Variants in GMEB1 observed in about 807,000 individuals in gnomAD.
The protein encoded by GMEB1 is glucocorticoid modulatory element-binding protein 1.
Under a neutral mutation model 52.4 loss-of-function variants are expected in GMEB1, and 6 were observed. The ratio of observed to expected loss-of-function variants is 0.11; its 90% CI spans 0.06 to 0.23. The LOEUF is 0.23. Among genes scored for constraint, GMEB1 ranks in the 10% least tolerant of loss-of-function variants. The probability of loss-of-function intolerance (pLI) is 1.00; values close to 1 mark genes in which losing one functional copy is unlikely to be tolerated. For missense variants in GMEB1, 486 were observed against 685.6 expected, an observed-to-expected ratio of 0.71 and a Z score of 3.25; for synonymous variants, 255 against 244.9, an observed-to-expected ratio of 1.04 and a Z score of -0.38.
rs150505866 is a variant in GMEB1 at position 28,670,153 on chromosome 1, T to TTTTTTTTATTTATTTATTTA, written c.-31+1317_-31+1318insTTTTATTTATTTATTTATTT. 2.7e-5 allele frequency among the ~76,000 whole-genome samples: 4 copies of TTTTTTTTATTTATTTATTTA among 150,704 alleles called. No homozygotes were observed. The East Asian group carries it at 5.9e-4, about 22-fold the overall frequency. On this transcript the variant is annotated intron_variant, in intron 1 of 9. Coordinates refer to ENST00000373816, the MANE Select transcript of GMEB1 (RefSeq NM_001319674.2). ...TTACCAAAGTGCATTTGGGGACCCT[T>TTTTTTTTATTTATTTATTTA]TTTATTTATTTATTTATTTATTTGT...
chr1:28,713,006 A>AT (rs397698598), intron 9 of GMEB1, among the ~76,000 whole-genome samples: 3 of 149,808 alleles, frequency 2.0e-5, no homozygotes, highest in Admixed American at 1.3e-4. Flanking sequence ...AAAAAAAAAA[A>AT]CATTAGCCAG....
intron 4 of GMEB1, 58 bp from the exon 5 acceptor site, chr1:28,692,884 C>T: frequency 3.7e-6 from 3 of 813,858 alleles, no homozygotes; most frequent in South Asian, 3.4e-5. Flanking sequence ...TCATTATTTC[C>T]CCTCTTGGCC....
At chr1:28,712,072 TGG>T (rs1207039154) in intron 9 of GMEB1, among the ~76,000 whole-genome samples, 1 of 152,176 alleles carries the variant, frequency 6.6e-6, no homozygotes, top group Non-Finnish European at 1.5e-5. Flanking sequence ...GGCTATAAAT[TGG>T]GGTTCCCACA....
intron 6 of GMEB1, among the ~76,000 whole-genome samples, chr1:28,699,739 T>G (rs1670403553): frequency 6.7e-6 from 1 of 150,298 alleles, no homozygotes. Flanking sequence ...CCTTTTTTGT[T>G]TTTTTTTTTC....
At chr1:28,674,558 C>T (rs1405736814) in intron 1 of GMEB1, among the ~76,000 whole-genome samples, 1 of 151,788 alleles carries the variant, frequency 6.6e-6, no homozygotes, top group Non-Finnish European at 1.5e-5. Context: ...CCACGCTTGG[C>T]TAATTTTGTA....
intron 9 of GMEB1, among the ~76,000 whole-genome samples, chr1:28,711,248 T>C (rs2124589278): frequency 6.6e-6 from 1 of 150,726 alleles, no homozygotes; most frequent in East Asian, 1.9e-4. Flanking sequence ...ATAGTGCCAT[T>C]GTACTCCATC....
chr1:28,681,360 C>T (rs898509318), intron 1 of GMEB1, among the ~76,000 whole-genome samples: 5 of 151,834 alleles, frequency 3.3e-5, no homozygotes, highest in African/African-American at 9.7e-5. Flanking sequence ...GGAGCGAGAC[C>T]GCGTCTCAAA....
intron 1 of GMEB1, among the ~76,000 whole-genome samples, chr1:28,670,014 G>T (rs566952183): frequency 6.6e-6 from 1 of 152,200 alleles, no homozygotes; most frequent in East Asian, 1.9e-4. Context: ...GACACAGATG[G>T]GGCCTTGATT....
At chr1:28,713,979 A>T (rs1671174154) in intron 9 of GMEB1, 94 bp from the exon 10 acceptor site, 3 of 919,012 alleles carry the variant, frequency 3.3e-6, no homozygotes, top group Non-Finnish European at 5.1e-6. Flanking sequence ...CTTAGTAACA[A>T]AACCAGACAG....
rs551981149 is a variant in GMEB1, at chr1:28,685,401, G to C, written c.128+1661G>C. On this transcript the variant is annotated intron_variant, in intron 2 of 9. Coordinates refer to ENST00000373816, the MANE Select transcript of GMEB1 (RefSeq NM_001319674.2). The stretch of plus-strand genomic sequence containing the variant: ...ATTTTTGTATTTTTAGAAGAGATGG[G>C]GTTTAGCTGAGATCATGCCACTGCA... Among the ~76,000 whole-genome samples, 11 of 151,850 alleles carry C rather than the reference G, an allele frequency of 7.2e-5. No individual in the cohort carries two copies. The South Asian group carries it at 2.3e-3, about 32-fold the overall frequency.
At chr1:28,689,540 A>G in intron 2 of GMEB1, 1 of 152,408 alleles carries the variant, frequency 6.6e-6, no homozygotes, top group Non-Finnish European at 1.5e-5. Flanking sequence ...GAGGCAGGAG[A>G]ATGGCGTGAG....
chr1:28,668,957 C>T (rs1668740568), intron 1 of GMEB1, 118 bp downstream of exon 1: 1 of 144,508 alleles, frequency 6.9e-6, no homozygotes, highest in Non-Finnish European at 1.5e-5. Flanking sequence ...CGGGGGGCTG[C>T]TGCCTCCGCG....
chr1:28,685,594 A>G (rs996287115), intron 2 of GMEB1, among the ~76,000 whole-genome samples: 5 of 152,190 alleles, frequency 3.3e-5, no homozygotes, highest in Admixed American at 2.6e-4. Flanking sequence ...GACTATGGCC[A>G]TAGTAGATAT....
At chr1:28,696,226 C>T (rs1474284833) in intron 5 of GMEB1, among the ~76,000 whole-genome samples, 1 of 151,842 alleles carries the variant, frequency 6.6e-6, no homozygotes, top group African/African-American at 2.4e-5. Context: ...GCTACCATGC[C>T]TGGCTGATTT....
chr1:28,685,031 A>C (rs1184781799), intron 2 of GMEB1, among the ~76,000 whole-genome samples: 1 of 152,046 alleles, frequency 6.6e-6, no homozygotes, highest in East Asian at 1.9e-4. Flanking sequence ...CTATTTACAG[A>C]GGCTCCTTAT....
intron 7 of GMEB1, 111 bp from the exon 8 acceptor site, chr1:28,704,081 A>G (rs1570428166): frequency 9.6e-7 from 1 of 1,040,380 alleles, no homozygotes; most frequent in Non-Finnish European, 1.4e-6. Flanking sequence ...GAATGGCCCA[A>G]TAAGAAATCA....
At chr1:28,709,101 T>C (rs1670921705) in intron 8 of GMEB1, among the ~76,000 whole-genome samples, 2 of 143,838 alleles carry the variant, frequency 1.4e-5, no homozygotes, top group Non-Finnish European at 1.5e-5. Flanking sequence ...ACCACTGCAC[T>C]CCAGCCTGGG....
chr1:28,691,676 T>C lies in GMEB1; in HGVS notation c.303T>C (p.Phe101=). ...ESKAILLWKK[F]VCPGINVKCV... ...AAGCCATCCTCCTCTGGAAGAAGTTTGTATGTCCAGGAATAAACGTGAAGT... is the reference window on the plus strand; with the variant it reads ...AAGCCATCCTCCTCTGGAAGAAGTTCGTATGTCCAGGAATAAACGTGAAGT... Residue 101 remains phenylalanine, a synonymous_variant, in exon 4 of 10, where the codon TTT becomes TTC. Coordinates refer to ENST00000373816, the MANE Select transcript of GMEB1 (RefSeq NM_001319674.2). 1 of 1,582,006 alleles carries C rather than the reference T, an allele frequency of 6.3e-7. No individual in the cohort carries two copies. Among genetic ancestry groups the C allele is most frequent in the Non-Finnish European group, 8.6e-7 (1 of 1,158,832 alleles).
intron 1 of GMEB1, among the ~76,000 whole-genome samples, chr1:28,671,022 A>G (rs1668859842): frequency 6.6e-6 from 1 of 152,084 alleles, no homozygotes; most frequent in Non-Finnish European, 1.5e-5. Flanking sequence ...CGCTCCCTCA[A>G]ACATCTACAT....
Sources: gnomAD v4.1 joint callset for allele counts (sites outside exome capture counted in the v4.1 genomes callset) on GRCh38, gnomAD v4.1.1 for gene constraint, MANE v1.5 for transcripts, NCBI Gene and HGNC (gene_info 2026-07-23, HGNC 2026-07-21) for gene names.